Variants in RPH3A observed in about 807,000 individuals in gnomAD.
RPH3A encodes the protein rabphilin 3A, also known as rabphilin-3A.
RPH3A carries 48 observed loss-of-function variants against 102.2 expected under a neutral mutation model. The ratio of observed to expected loss-of-function variants is 0.47; its 90% CI spans 0.37 to 0.60. RPH3A has a LOEUF of 0.60. RPH3A is among the 20% of genes least tolerant of loss of function. The pLI is 0.00. For synonymous variants in RPH3A, 310 were observed against 324.3 expected, an observed-to-expected ratio of 0.96 and a Z score of 0.47; for missense variants, 781 against 910.1, an observed-to-expected ratio of 0.86 and a Z score of 1.83.
At chr12:112,736,982 G>A (rs1418379673) in intron 1 of RPH3A, among the ~76,000 whole-genome samples, 2 of 151,908 alleles carry the variant, frequency 1.3e-5, no homozygotes, top group African/African-American at 2.4e-5. Flanking sequence ...TAGTGAGACC[G>A]AGTCTCTACA....
chr12:112,575,795 GGC>G (rs1453877909), intron 1 of RPH3A, among the ~76,000 whole-genome samples: 4 of 152,124 alleles, frequency 2.6e-5, no homozygotes, highest in African/African-American at 9.7e-5. Context: ...CTGAAATCTG[GGC>G]ACTAGAGAGA....
Position 112,802,521 on chromosome 12 carries a change from G to A in RPH3A, c.-19+10258G>A, listed in dbSNP as rs117682768. ...TTTTATCCCATCCAAGTTGTGCTGG[G>A]TCTGCCTGCTGTGCTGTGTGTGTAT... On this transcript the variant is annotated intron_variant, in intron 2 of 21. Transcript: ENST00000389385. 5.7e-3 allele frequency among the ~76,000 whole-genome samples: 860 copies of A among 152,192 alleles called. 7 individuals are homozygous for A. Among genetic ancestry groups the A allele is most frequent in the South Asian group, 0.017 (83 of 4,816 alleles).
At chr12:112,643,387 A>C (rs562435444) in intron 1 of RPH3A, among the ~76,000 whole-genome samples, 9 of 152,358 alleles carry the variant, frequency 5.9e-5, no homozygotes, top group Non-Finnish European at 1.2e-4. Context: ...GCAGAAGTCA[A>C]ATCAAGATTA....
intron 20 of RPH3A, among the ~76,000 whole-genome samples, chr12:112,894,956 T>G (rs1051713262): frequency 1.3e-5 from 2 of 152,020 alleles, no homozygotes; most frequent in African/African-American, 4.8e-5. Flanking sequence ...TATTCTTGGG[T>G]AGTTGGATTA....
chr12:112,749,534 G>A (rs1243182873), intron 1 of RPH3A, among the ~76,000 whole-genome samples: 1 of 152,194 alleles, frequency 6.6e-6, no homozygotes, highest in Non-Finnish European at 1.5e-5. Flanking sequence ...GGTCATTTCT[G>A]AGGTAGAAAT....
At chr12:112,803,506 A>G (rs750125688) in intron 2 of RPH3A, among the ~76,000 whole-genome samples, 1 of 151,318 alleles carries the variant, frequency 6.6e-6, no homozygotes, top group Non-Finnish European at 1.5e-5. Context: ...TATTATTATT[A>G]TTATTACAAT....
intron 1 of RPH3A, among the ~76,000 whole-genome samples, chr12:112,712,906 C>CTTT (rs1355954475): frequency 5.7e-5 from 6 of 105,680 alleles, no homozygotes; most frequent in African/African-American, 2.4e-4. Flanking sequence ...TCTTCTTCCT[C>CTTT]TTCTTCTTCT....
At chr12:112,708,533 G>T (rs1031728710) in intron 1 of RPH3A, among the ~76,000 whole-genome samples, 2 of 152,240 alleles carry the variant, frequency 1.3e-5, no homozygotes, top group Non-Finnish European at 2.9e-5. Flanking sequence ...GTTAGGACCA[G>T]CGTGTGGGAG....
At chr12:112,575,349 G>C (rs2135955208) in intron 1 of RPH3A, 1 of 152,222 alleles carries the variant, frequency 6.6e-6, no homozygotes, top group East Asian at 1.9e-4. Context: ...CGGGCCACCA[G>C]GTCCTGCCCT....
chr12:112,820,266 C>T (rs954272662), intron 2 of RPH3A, among the ~76,000 whole-genome samples: 6 of 152,152 alleles, frequency 3.9e-5, no homozygotes, highest in Non-Finnish European at 8.8e-5. Flanking sequence ...CACTGATGGA[C>T]GATGATGGAG....
intron 1 of RPH3A, among the ~76,000 whole-genome samples, chr12:112,763,723 A>G (rs1421898053): frequency 6.6e-6 from 1 of 152,194 alleles, no homozygotes; most frequent in Non-Finnish European, 1.5e-5. Context: ...GCTGTGCCTG[A>G]ATTTCAAGAG....
At chr12:112,720,793 G>A (rs1004315862) in intron 1 of RPH3A, among the ~76,000 whole-genome samples, 1 of 152,212 alleles carries the variant, frequency 6.6e-6, no homozygotes. Flanking sequence ...GCAAGTCAGA[G>A]CACATGGTTG....
chr12:112,894,692 G>C, intron 20 of RPH3A, 33 bp downstream of exon 20: 1 of 1,597,528 alleles, frequency 6.3e-7, no homozygotes, highest in Non-Finnish European at 8.6e-7. Flanking sequence ...CATGCTCTGG[G>C]ATATTTGCTG....
intron 16 of RPH3A, among the ~76,000 whole-genome samples, chr12:112,884,295 A>G (rs2136252176): frequency 6.6e-6 from 1 of 152,216 alleles, no homozygotes; most frequent in East Asian, 1.9e-4. Context: ...GAAATAAAGC[A>G]CCCCCGATGC....
chr12:112,592,912 G>A (rs2039489870), intron 1 of RPH3A, among the ~76,000 whole-genome samples: 1 of 152,232 alleles, frequency 6.6e-6, no homozygotes, highest in South Asian at 2.1e-4. Flanking sequence ...TGAGTTTTCT[G>A]TGTTCTTTTT....
At chr12:112,895,518 A>G (rs149085968) in intron 20 of RPH3A, 265 of 411,938 alleles carry the variant, frequency 6.4e-4, no homozygotes, top group African/African-American at 4.8e-3. Context: ...GCTCTATTAG[A>G]AAAACCTCAC....
At chr12:112,829,132 C>T (rs1593053476) in intron 3 of RPH3A, among the ~76,000 whole-genome samples, 1 of 152,110 alleles carries the variant, frequency 6.6e-6, no homozygotes, top group African/African-American at 2.4e-5. Context: ...GAACTTCTGT[C>T]GATCTTATAT....
chr12:112,661,866 A>AC (rs139709831), intron 1 of RPH3A, among the ~76,000 whole-genome samples: 3,685 of 151,710 alleles, frequency 0.024, 116 homozygotes, highest in Admixed American at 0.096. Flanking sequence ...GCCACCACCC[A>AC]CCCCCCAAAT....
rs529826755 is a variant in RPH3A at position 112,712,925 on chromosome 12, C to CTCTTCTTCTTCTTCTTCTTCTTCT, written c.-139-79201_-139-79178dup. Among the ~76,000 whole-genome samples, 84 of 94,544 alleles carry CTCTTCTTCTTCTTCTTCTTCTTCT rather than the reference C, an allele frequency of 8.9e-4. 1 individual carries two copies. Among genetic ancestry groups the CTCTTCTTCTTCTTCTTCTTCTTCT allele is most frequent in the East Asian group, 4.7e-3 (16 of 3,426 alleles). The allele number at this position is 94,544 out of a possible 152,430, so 62.0% of individuals were successfully genotyped here. A position where few individuals can be genotyped will look rare whatever the true frequency, so the allele number is the denominator to read the frequency against. On this transcript the variant is annotated intron_variant, in intron 1 of 21. Coordinates refer to the RPH3A transcript ENST00000543106. ...CTTCCTCTTCTTCTTCTTCTTCTTCCTCTTCTTCTTCTTCTTCTTCTTCTT... is the reference window on the plus strand; with the variant it reads ...CTTCCTCTTCTTCTTCTTCTTCTTCCTCTTCTTCTTCTTCTTCTTCTTCTTCTTCTTCTTCTTCTTCTTCTTCTT...
Sources: allele counts gnomAD v4.1 joint callset (sites outside exome capture counted in the v4.1 genomes callset), GRCh38; gene constraint gnomAD v4.1.1; transcripts MANE v1.5; gene names NCBI Gene and HGNC (gene_info 2026-07-23, HGNC 2026-07-21).